The following TRNAU1AP variants were observed in gnomAD, a reference collection of about 807,000 sequenced individuals.
TRNAU1AP encodes the protein tRNA selenocysteine 1 associated protein 1, also known as tRNA selenocysteine 1-associated protein 1.
TRNAU1AP carries 33 observed loss-of-function variants against 43.3 expected under a neutral mutation model. That is an observed-to-expected ratio of 0.76 (90% CI 0.58 to 1.02). TRNAU1AP has a LOEUF of 1.02. Among genes scored for constraint, TRNAU1AP ranks in the 50% least tolerant of loss-of-function variants. The pLI is 0.00. For missense variants in TRNAU1AP, 290 were observed against 362.7 expected (o/e 0.80, Z 1.63); for synonymous variants, 143 against 129.1 (o/e 1.11, Z -0.73).
intron 4 of TRNAU1AP, among the ~76,000 whole-genome samples, chr1:28,561,805 G>A (rs777400538): frequency 1.2e-4 from 19 of 152,134 alleles, no homozygotes; most frequent in Non-Finnish European, 2.2e-4. Flanking sequence ...GGGTGTGGTG[G>A]CTCACTCCTA....
intron 2 of TRNAU1AP, among the ~76,000 whole-genome samples, chr1:28,554,221 C>CA (rs1221751482): frequency 2.1e-5 from 3 of 139,956 alleles, no homozygotes; most frequent in African/African-American, 5.9e-5. Flanking sequence ...AACAAAAAAA[C>CA]AAAAAACGCA....
rs1337449215 is a variant in TRNAU1AP at position 28,553,119 on chromosome 1, C to T, written c.9C>T (p.Ala3=). The T allele has an allele frequency of 3.3e-6, 5 of 1,522,136 alleles. No homozygotes were observed. The highest frequency in any genetic ancestry group is 4.4e-6 in the Non-Finnish European group (5 of 1,132,592). 94.3% of individuals were successfully genotyped at this position (1,522,136 alleles called of 1,614,324 possible). A position where few individuals can be genotyped will look rare whatever the true frequency, so the allele number is the denominator to read the frequency against. MA[A]SLWMGDLEPY... Reference sequence around the variant, plus strand: ...CACCCCGGTGCGCGGGTATGGCGGCCAGCCTGTGGATGGGCGACGTGAGTG... The same window carrying T: ...CACCCCGGTGCGCGGGTATGGCGGCTAGCCTGTGGATGGGCGACGTGAGTG... Residue 3 remains alanine (A), a synonymous_variant, in exon 1 of 9, where the codon GCC becomes GCT. Coordinates refer to ENST00000373830, the MANE Select transcript of TRNAU1AP (RefSeq NM_017846.5).
chr1:28,553,583 C>G, intron 1 of TRNAU1AP, 57 bp from the exon 2 acceptor site: 2 of 1,544,454 alleles, frequency 1.3e-6, no homozygotes, highest in East Asian at 4.5e-5. Flanking sequence ...GGCTCTGGAA[C>G]CCGGAGTGGG....
intron 8 of TRNAU1AP, among the ~76,000 whole-genome samples, chr1:28,572,710 G>T (rs1252926984): frequency 6.6e-6 from 1 of 151,734 alleles, no homozygotes; most frequent in Non-Finnish European, 1.5e-5. Flanking sequence ...CGAGGCAGGT[G>T]GATTGTGAGG....
At chr1:28,567,789 C>A (rs1665573611) in intron 6 of TRNAU1AP, among the ~76,000 whole-genome samples, 1 of 152,090 alleles carries the variant, frequency 6.6e-6, no homozygotes, top group Non-Finnish European at 1.5e-5. Context: ...AAATTACTTC[C>A]ATTTTTAGCC....
Position 28,577,974 on chromosome 1 carries a change from CAGGT to C in TRNAU1AP, c.*344_*347del, listed in dbSNP as rs779444821. The C allele has an allele frequency of 8.6e-5, 16 of 185,534 alleles. 1 individual carries two copies. The highest frequency in any genetic ancestry group is 1.8e-4 in the Admixed American group (3 of 16,944). 11.5% of individuals were successfully genotyped at this position (185,534 alleles called of 1,614,324 possible). A position where few individuals can be genotyped will look rare whatever the true frequency, so the allele number is the denominator to read the frequency against. ...CCTGAGTTCAAGGTTTCTCAGTTGA[CAGGT>C]AGGTATGTAAATCAGGGTTCTCTGG... On this transcript the variant is annotated 3_prime_UTR_variant, in exon 9 of 9. Coordinates refer to ENST00000373830, the MANE Select transcript of TRNAU1AP (RefSeq NM_017846.5).
At chr1:28,571,731 C>T (rs1039892004) in intron 7 of TRNAU1AP, 136 bp from the exon 8 acceptor site, 4 of 666,070 alleles carry the variant, frequency 6.0e-6, no homozygotes, top group South Asian at 1.8e-5. Context: ...TGCAGTGAGC[C>T]GAGATCACGC....
At chr1:28,569,651 C>T (rs1665617972) in intron 6 of TRNAU1AP, among the ~76,000 whole-genome samples, 1 of 148,508 alleles carries the variant, frequency 6.7e-6, no homozygotes, top group South Asian at 2.1e-4. Context: ...AAGATTGTGC[C>T]ACTGCACTCC....
chr1:28,554,278 T>C (rs1665205571), intron 2 of TRNAU1AP, among the ~76,000 whole-genome samples: 1 of 151,616 alleles, frequency 6.6e-6, no homozygotes, highest in Admixed American at 6.6e-5. Flanking sequence ...CTCTATGACC[T>C]TGGGTAAGTT....
chr1:28,577,359 A>C (rs1665813962), intron 8 of TRNAU1AP, 141 bp from the exon 9 acceptor site: 1 of 860,778 alleles, frequency 1.2e-6, no homozygotes, highest in African/African-American at 1.7e-5. Flanking sequence ...AGAACCCTGC[A>C]AGGCAGTGCT....
chr1:28,564,915 C>T, intron 5 of TRNAU1AP, 81 bp downstream of exon 5: 10 of 1,562,094 alleles, frequency 6.4e-6, no homozygotes, highest in Non-Finnish European at 8.8e-6. Context: ...TAGAAAGGCC[C>T]TGCAGCATGG....
At chr1:28,561,090 G>A in intron 3 of TRNAU1AP, 3 of 1,379,944 alleles carry the variant, frequency 2.2e-6, no homozygotes, top group Non-Finnish European at 2.8e-6. Flanking sequence ...TTTCAAGAGA[G>A]TTGCATTCTG....
intron 3 of TRNAU1AP, 117 bp from the exon 4 acceptor site, chr1:28,561,229 A>G: frequency 4.0e-6 from 6 of 1,508,166 alleles, no homozygotes; most frequent in Non-Finnish European, 5.3e-6. Flanking sequence ...GAAAAAGCTG[A>G]GGCTTAGAGA....
intron 1 of TRNAU1AP, 53 bp downstream of exon 1, chr1:28,553,190 G>A: frequency 6.9e-7 from 1 of 1,450,330 alleles, no homozygotes; most frequent in Non-Finnish European, 9.1e-7. Flanking sequence ...TCTCGGTTTC[G>A]CGAGAGAGGA....
At chr1:28,559,261 A>G (rs1468185214) in intron 2 of TRNAU1AP, among the ~76,000 whole-genome samples, 1 of 152,012 alleles carries the variant, frequency 6.6e-6, no homozygotes, top group Non-Finnish European at 1.5e-5. Flanking sequence ...CTTTTAATGT[A>G]TAAAAGCCAA....
At chr1:28,559,574 C>T (rs1039190604) in intron 2 of TRNAU1AP, among the ~76,000 whole-genome samples, 3 of 151,688 alleles carry the variant, frequency 2.0e-5, no homozygotes, top group African/African-American at 7.3e-5. Flanking sequence ...GCAGGAGAAT[C>T]GCTTGAACCC....
rs769724753 is a variant in TRNAU1AP, at chr1:28,560,706, G to C, written c.199G>C (p.Gly67Arg). 6.2e-7 allele frequency: 1 copy of C among 1,614,016 alleles called. No individual in the cohort carries two copies. Among genetic ancestry groups the C allele is most frequent in the Non-Finnish European group, 8.5e-7 (1 of 1,179,952 alleles). ...TGAGAAGTGTTTGCATAAAATTAATGGGAAACCCCTTCCAGGAGCCACACC... is the reference window on the plus strand; with the variant it reads ...TGAGAAGTGTTTGCATAAAATTAATCGGAAACCCCTTCCAGGAGCCACACC... Reference protein sequence around the residue: ...TAEKCLHKINGKPLPGATPAK... With the variant: ...TAEKCLHKINRKPLPGATPAK... Residue 67 changes from glycine (G) to arginine (R), a missense_variant, in exon 3 of 9, where the codon GGG becomes CGG. Coordinates refer to ENST00000373830, the MANE Select transcript of TRNAU1AP (RefSeq NM_017846.5).
chr1:28,566,179 G>A (rs143802047), intron 5 of TRNAU1AP, among the ~76,000 whole-genome samples: 9 of 151,866 alleles, frequency 5.9e-5, no homozygotes, highest in African/African-American at 2.2e-4. Context: ...ACCAGGCATG[G>A]TGGTGCGTGC....
intron 4 of TRNAU1AP, among the ~76,000 whole-genome samples, chr1:28,564,027 G>A (rs1665480045): frequency 6.6e-6 from 1 of 152,142 alleles, no homozygotes; most frequent in African/African-American, 2.4e-5. Flanking sequence ...CACTTTGGGA[G>A]GCTGAGGCAG....
Sources: gnomAD v4.1 joint callset for allele counts (sites outside exome capture counted in the v4.1 genomes callset) on GRCh38, gnomAD v4.1.1 for gene constraint, MANE v1.5 for transcripts, NCBI Gene and HGNC (gene_info 2026-07-23, HGNC 2026-07-21) for gene names.